GRID1: variants seen among roughly 807,000 people sequenced by gnomAD.
GRID1 encodes the protein glutamate receptor ionotropic, delta-1.
In GRID1, 28 loss-of-function variants were observed where a neutral mutation model predicts 98.0. The ratio of observed to expected loss-of-function variants is 0.29; its 90% CI spans 0.21 to 0.39. The LOEUF (loss-of-function observed/expected upper bound fraction) is 0.39. Ranked by LOEUF, GRID1 falls within the 10% of genes least tolerant of loss-of-function variation. The pLI is 1.00. For missense variants in GRID1, 1,111 were observed against 1,340.5 expected, an observed-to-expected ratio of 0.83 and a Z score of 2.67; for synonymous variants, 553 against 538.5, an observed-to-expected ratio of 1.03 and a Z score of -0.37.
chr10:86,085,783 T>C lies in GRID1; in HGVS notation c.726+53036A>G, dbSNP rs529639219. ...ACATCAGTCCGAAGGTCCCTGCTGA[T>C]CCCACAGCCCGTGGCATCAAACCAG... On this transcript the variant is annotated intron_variant, in intron 4 of 15. Transcript: ENST00000327946. 2.0e-5 allele frequency among the ~76,000 whole-genome samples: 3 copies of C among 152,142 alleles called. No individual in the cohort carries two copies. The East Asian group carries it at 5.8e-4, about 30-fold the overall frequency.
At chr10:86,016,915 A>G (rs576117230) in intron 4 of GRID1, among the ~76,000 whole-genome samples, 1 of 152,308 alleles carries the variant, frequency 6.6e-6, no homozygotes, top group Admixed American at 6.5e-5. Flanking sequence ...GTGCTCTGAT[A>G]AGAGGAGGCA....
intron 3 of GRID1, among the ~76,000 whole-genome samples, chr10:86,159,153 C>T (rs1472675188): frequency 6.6e-6 from 1 of 152,166 alleles, no homozygotes; most frequent in Non-Finnish European, 1.5e-5. Context: ...CTCGGCCTCC[C>T]ATTAATTATT....
chr10:86,039,947 C>G (rs17106207), intron 4 of GRID1, among the ~76,000 whole-genome samples: 5,116 of 152,246 alleles, frequency 0.034, 132 homozygotes, highest in Non-Finnish European at 0.051. Flanking sequence ...TGGTAATTAT[C>G]TGTCAACTTG....
intron 14 of GRID1, among the ~76,000 whole-genome samples, chr10:85,618,971 G>A (rs1842824658): frequency 1.3e-5 from 2 of 152,216 alleles, no homozygotes; most frequent in Admixed American, 1.3e-4. Flanking sequence ...CAGTCAATGA[G>A]TGTTGCCCCT....
At chr10:86,147,596 C>A (rs537162512) in intron 3 of GRID1, among the ~76,000 whole-genome samples, 1 of 152,170 alleles carries the variant, frequency 6.6e-6, no homozygotes, top group Non-Finnish European at 1.5e-5. Flanking sequence ...GGGGAAAGGA[C>A]TCCCTATTCA....
chr10:85,915,283 T>A (rs1294743442), intron 5 of GRID1, among the ~76,000 whole-genome samples: 1 of 151,934 alleles, frequency 6.6e-6, no homozygotes, highest in Non-Finnish European at 1.5e-5. Flanking sequence ...TATACAGATA[T>A]ATGCACTTTC....
intron 4 of GRID1, among the ~76,000 whole-genome samples, chr10:85,930,120 T>C (rs1342263360): frequency 6.6e-6 from 1 of 152,134 alleles, no homozygotes; most frequent in Non-Finnish European, 1.5e-5. Context: ...CTCTGACTTG[T>C]AGTTATTTAT....
intron 12 of GRID1, among the ~76,000 whole-genome samples, chr10:85,661,495 G>A (rs559302533): frequency 6.6e-6 from 1 of 152,140 alleles, no homozygotes; most frequent in African/African-American, 2.4e-5. Flanking sequence ...CTACCACAGG[G>A]AGGATCTCAC....
At chr10:85,875,475 T>C (rs912277611) in intron 5 of GRID1, among the ~76,000 whole-genome samples, 3 of 152,182 alleles carry the variant, frequency 2.0e-5, no homozygotes, top group Non-Finnish European at 2.9e-5. Flanking sequence ...TTTCAATCCA[T>C]TTATATTCAT....
intron 8 of GRID1, among the ~76,000 whole-genome samples, chr10:85,837,158 G>C (rs559517877): frequency 3.3e-5 from 5 of 151,892 alleles, no homozygotes; most frequent in South Asian, 4.2e-4. Flanking sequence ...GCCTCCACTA[G>C]TGTCCCATAC....
intron 4 of GRID1, among the ~76,000 whole-genome samples, chr10:85,980,371 T>C (rs1169961959): frequency 6.6e-6 from 1 of 152,282 alleles, no homozygotes; most frequent in Admixed American, 6.5e-5. Context: ...TGCCTTATCC[T>C]GCAGTAGGAG....
chr10:86,125,464 TCACACAGGAAAGAC>T (rs145280997), intron 4 of GRID1, among the ~76,000 whole-genome samples: 6,439 of 152,306 alleles, frequency 0.042, 444 homozygotes, highest in African/African-American at 0.15. Flanking sequence ...GAGCTGGCCT[TCACACAGGAAAGAC>T]CAAAAGTGCC....
Position 85,933,605 on chromosome 10 carries a change from T to G in GRID1, c.727-17366A>C, listed in dbSNP as rs145096251. 1.4e-3 allele frequency among the ~76,000 whole-genome samples: 207 copies of G among 152,306 alleles called. 4 individuals carry two copies. In the East Asian group the frequency reaches 0.033, roughly 24 times the overall value. Reference sequence around the variant, plus strand: ...GCCCTGGAGGCTGTTTGGGGCTGTGTGTTCTTTGGAATCAAGCAGTGAAAC... The same window carrying G: ...GCCCTGGAGGCTGTTTGGGGCTGTGGGTTCTTTGGAATCAAGCAGTGAAAC... On this transcript the variant is annotated intron_variant, in intron 4 of 15. Coordinates refer to ENST00000327946, the MANE Select transcript of GRID1 (RefSeq NM_017551.3).
intron 2 of GRID1, among the ~76,000 whole-genome samples, chr10:86,288,636 C>G (rs913142712): frequency 5.3e-5 from 8 of 152,204 alleles, no homozygotes; most frequent in African/African-American, 1.9e-4. Context: ...GTTGGAGCCT[C>G]CTCAAAGCAG....
At chr10:86,021,542 C>A (rs1659724515) in intron 4 of GRID1, among the ~76,000 whole-genome samples, 1 of 151,982 alleles carries the variant, frequency 6.6e-6, no homozygotes, top group South Asian at 2.1e-4. Context: ...TTTTTAAAAG[C>A]AGTATTAGGT....
chr10:86,118,583 G>A (rs891293770), intron 4 of GRID1, among the ~76,000 whole-genome samples: 2 of 152,206 alleles, frequency 1.3e-5, no homozygotes, highest in East Asian at 3.8e-4. Flanking sequence ...GAGAGATGGA[G>A]TGTAGTTCTC....
rs73338528 is a variant in GRID1 at position 85,856,225 on chromosome 10, G to A, written c.952-35C>T. The A allele has an allele frequency of 1.2e-3, 1,848 of 1,601,706 alleles. 14 individuals are homozygous for A. In the African/African-American group the frequency reaches 0.02, roughly 18 times the overall value. ...CAGAGGCAGTGAAACCCTTTCCACAGGTGCATTTCTAGAGAGCTTTGGAGA... is the reference window on the plus strand; with the variant it reads ...CAGAGGCAGTGAAACCCTTTCCACAAGTGCATTTCTAGAGAGCTTTGGAGA... On this transcript the variant is annotated intron_variant, in intron 6 of 15. Transcript: ENST00000327946.
At position 85,928,952 on chromosome 10, in the gene GRID1, C is replaced by T. The variant is rs533536095; in HGVS notation, c.727-12713G>A. ...AATATATGTGAAGAGGACTCCAAAC[C>T]TAGTTCTTGCTTTTCCTCTTTTGCT... On this transcript the variant is annotated intron_variant, in intron 4 of 15. Transcript: ENST00000327946. Among the ~76,000 whole-genome samples the T allele has an allele frequency of 7.9e-5, 12 of 152,318 alleles. No individual in the cohort carries two copies. In the South Asian group the frequency reaches 2.5e-3, roughly 32 times the overall value.
chr10:85,687,380 T>C (rs914147832), intron 12 of GRID1, among the ~76,000 whole-genome samples: 1 of 152,220 alleles, frequency 6.6e-6, no homozygotes, highest in Non-Finnish European at 1.5e-5. Context: ...ACTGAAAATA[T>C]TAATTACTTG....
Sources: allele counts gnomAD v4.1 joint callset (sites outside exome capture counted in the v4.1 genomes callset), GRCh38; gene constraint gnomAD v4.1.1; transcripts MANE v1.5; gene names NCBI Gene and HGNC (gene_info 2026-07-23, HGNC 2026-07-21).